The following SLC10A6 variants were observed in gnomAD, a reference collection of about 807,000 sequenced individuals.
SLC10A6 encodes sodium-dependent organic anion transporter.
Under a neutral mutation model 30.0 loss-of-function variants are expected in SLC10A6, and 27 were observed. The ratio of observed to expected loss-of-function variants is 0.90; its 90% confidence interval spans 0.66 to 1.24. The LOEUF (loss-of-function observed/expected upper bound fraction) is 1.24, where lower values mean the gene tolerates loss of function less well. Ranked by LOEUF, SLC10A6 falls within the 50% of genes most tolerant of loss-of-function variation. The pLI is 0.00. For synonymous variants in SLC10A6, 166 were observed against 173.8 expected (o/e 0.95, Z 0.36); for missense variants, 439 against 457.0 (o/e 0.96, Z 0.36).
intron 1 of SLC10A6, among the ~76,000 whole-genome samples, chr4:86,837,320 A>AGTAG (rs1560460458): frequency 2.0e-5 from 3 of 148,700 alleles, no homozygotes; most frequent in Non-Finnish European, 4.5e-5. Flanking sequence ...GAAGGAAGGA[A>AGTAG]GGAAGGAAGG....
At position 86,823,860 on chromosome 4, in the gene SLC10A6, T is replaced by C. The variant is rs761336836; in HGVS notation, c.962A>G (p.Lys321Arg). Reference sequence around the variant, plus strand: ...GACTTCTGTGCAACCTGAGTTCTTTTTTCCATGTTTGTTCTTCAATCTCCT... The same window carrying C: ...GACTTCTGTGCAACCTGAGTTCTTTCTTCCATGTTTGTTCTTCAATCTCCT... ...YKRRLKNKHG[K>R]KNSGCTEVCH... Residue 321 changes from lysine to arginine, a missense_variant, in exon 6 of 6, where the codon AAA becomes AGA. Transcript: ENST00000273905. The C allele has an allele frequency of 1.2e-6, 2 of 1,613,772 alleles. No individual in the cohort carries two copies. The highest frequency in any genetic ancestry group is 1.7e-6 in the Non-Finnish European group (2 of 1,179,792).
chr4:86,849,239 T>G lies in SLC10A6; in HGVS notation c.-124A>C. The G allele has an allele frequency of 8.3e-7, 1 of 1,211,384 alleles. No individual in the cohort carries two copies. The highest frequency in any genetic ancestry group is 1.5e-5 in the South Asian group (1 of 68,110). 75.0% of individuals were successfully genotyped at this position (1,211,384 alleles called of 1,614,324 possible). A position where few individuals can be genotyped will look rare whatever the true frequency, so the allele number is the denominator to read the frequency against. On this transcript the variant is annotated 5_prime_UTR_variant, in exon 1 of 6. Coordinates refer to ENST00000273905, the MANE Select transcript of SLC10A6 (RefSeq NM_197965.3). ...CATGGAGAATCATTCCAATAACTGT[T>G]GGCCAGCAAGGTGATTCATCCTAAT... is the stretch of plus-strand genomic sequence containing the variant.
intron 3 of SLC10A6, among the ~76,000 whole-genome samples, chr4:86,829,409 TA>T (rs966141217): frequency 6.7e-5 from 10 of 150,032 alleles, no homozygotes; most frequent in South Asian, 2.1e-4. Flanking sequence ...AGACTCCGTT[TA>T]AAAAAAAAAT....
chr4:86,838,912 CAAAAAAAAAAAA>C (rs149710895), intron 1 of SLC10A6, among the ~76,000 whole-genome samples: 116 of 75,908 alleles, frequency 1.5e-3, no homozygotes, highest in Middle Eastern at 7.7e-3. Flanking sequence ...GACAGTGTCT[CAAAAAAAAAAAA>C]AAAAAAAAAA....
intron 1 of SLC10A6, among the ~76,000 whole-genome samples, chr4:86,839,343 C>T (rs886918401): frequency 2.0e-5 from 3 of 151,550 alleles, no homozygotes; most frequent in Admixed American, 6.6e-5. Flanking sequence ...CCCAGCTACT[C>T]GGGAGGCTGA....
intron 5 of SLC10A6, among the ~76,000 whole-genome samples, chr4:86,824,157 A>G (rs1745935080): frequency 7.0e-6 from 1 of 143,674 alleles, no homozygotes; most frequent in Non-Finnish European, 1.6e-5. Context: ...ACACACTCAT[A>G]TATTCATTCA....
intron 4 of SLC10A6, among the ~76,000 whole-genome samples, chr4:86,826,630 T>C (rs1746005685): frequency 6.6e-6 from 1 of 152,152 alleles, no homozygotes; most frequent in African/African-American, 2.4e-5. Context: ...AATGATTATC[T>C]TTGGTGAAAG....
intron 1 of SLC10A6, among the ~76,000 whole-genome samples, chr4:86,845,245 C>T (rs1364453456): frequency 6.6e-6 from 1 of 152,078 alleles, no homozygotes; most frequent in Non-Finnish European, 1.5e-5. Context: ...CTGGAGGAGA[C>T]AAAATAAGGT....
At chr4:86,833,281 C>T (rs748388124) in intron 2 of SLC10A6, 25 bp downstream of exon 2, 11 of 1,521,408 alleles carry the variant, frequency 7.2e-6, no homozygotes, top group Non-Finnish European at 1.0e-5. Context: ...ACTGTTAGTC[C>T]TCCATTTCCC....
Position 86,825,550 on chromosome 4 carries a change from T to G in SLC10A6, c.789A>C (p.Gly263=). ...QRCRTISLET[G]AQNIQMCITM... is the part of the protein sequence containing the mutation. ...TGATGCACATCTGAATATTCTGAGC[T>G]CCAGTTTCTAAGGAAATTGTCCTGC... The change falls in exon 5 of 6, where the codon GGA becomes GGC. Residue 263 remains glycine, a synonymous_variant. Transcript: ENST00000273905. 6.2e-7 allele frequency: 1 copy of G among 1,604,136 alleles called. No individual in the cohort carries two copies. The highest frequency in any genetic ancestry group is 8.5e-7 in the Non-Finnish European group (1 of 1,171,678).
chr4:86,848,036 T>A (rs1159838482), intron 1 of SLC10A6, among the ~76,000 whole-genome samples: 1 of 152,200 alleles, frequency 6.6e-6, no homozygotes, highest in South Asian at 2.1e-4. Flanking sequence ...GGGACAAGGC[T>A]TAATGTCTCC....
intron 1 of SLC10A6, among the ~76,000 whole-genome samples, chr4:86,843,905 T>G (rs1578760669): frequency 6.6e-6 from 1 of 152,180 alleles, no homozygotes; most frequent in Non-Finnish European, 1.5e-5. Context: ...CTGGCCGGGC[T>G]CGGTGGCTCA....
At position 86,837,237 on chromosome 4, in the gene SLC10A6, A is replaced by G. The variant is rs553587586; in HGVS notation, c.378-3813T>C. 2.0e-3 allele frequency among the ~76,000 whole-genome samples: 214 copies of G among 105,708 alleles called. 1 individual carries two copies. The highest frequency in any genetic ancestry group is 8.7e-3 in the African/African-American group (199 of 22,948). The allele number at this position is 105,708 out of a possible 152,430, so 69.3% of individuals were successfully genotyped here. ...AGAGAGAGAGAGAGAGAAAGAAAGA[A>G]AGAAAGAAAGAAAGAAAGAAAGAAA... On this transcript the variant is annotated intron_variant, in intron 1 of 5. Coordinates refer to ENST00000273905, the MANE Select transcript of SLC10A6 (RefSeq NM_197965.3).
chr4:86,835,745 AAGAG>A (rs143930076), intron 1 of SLC10A6, among the ~76,000 whole-genome samples: 25 of 149,648 alleles, frequency 1.7e-4, no homozygotes, highest in Admixed American at 2.0e-4. Flanking sequence ...GAAAGAAAGA[AAGAG>A]AGAGAGAGAG....
At chr4:86,835,900 G>C (rs1746177060) in intron 1 of SLC10A6, among the ~76,000 whole-genome samples, 1 of 151,944 alleles carries the variant, frequency 6.6e-6, no homozygotes, top group Non-Finnish European at 1.5e-5. Flanking sequence ...ATCAGTTAGA[G>C]GGGTTGTGTT....
chr4:86,825,632 A>ATATT (rs1745968596), intron 4 of SLC10A6, 55 bp from the exon 5 acceptor site: 3 of 1,478,944 alleles, frequency 2.0e-6, no homozygotes, highest in African/African-American at 1.4e-5. Flanking sequence ...AACTATTCTA[A>ATATT]TATTTTCTCA....
At chr4:86,839,903 A>AT (rs33927377) in intron 1 of SLC10A6, among the ~76,000 whole-genome samples, 95 of 142,282 alleles carry the variant, frequency 6.7e-4, no homozygotes, top group East Asian at 1.7e-3. Context: ...TTACACTCTT[A>AT]TTTTTTTTTT....
In SLC10A6 at chr4:86,836,681, A is replaced by G. The variant is rs1042266437; in HGVS notation, c.378-3257T>C. 3.3e-5 allele frequency among the ~76,000 whole-genome samples: 5 copies of G among 152,206 alleles called. No individual in the cohort carries two copies. The East Asian group carries it at 9.6e-4, about 29-fold the overall frequency. ...CAGCACAAAATGGACTAAGACAATT[A>G]CTATATTGTTATTACATTATATGAA... On this transcript the variant is annotated intron_variant, in intron 1 of 5. Transcript: ENST00000273905.
At chr4:86,845,436 G>T (rs1746377041) in intron 1 of SLC10A6, among the ~76,000 whole-genome samples, 1 of 152,150 alleles carries the variant, frequency 6.6e-6, no homozygotes, top group Non-Finnish European at 1.5e-5. Context: ...TACCAATTTA[G>T]TAGGTGTTGA....
Sources: gnomAD v4.1 joint callset for allele counts (sites outside exome capture counted in the v4.1 genomes callset) on GRCh38, gnomAD v4.1.1 for gene constraint, MANE v1.5 for transcripts, NCBI Gene and HGNC (gene_info 2026-07-23, HGNC 2026-07-21) for gene names.